NR3C2: variants seen among roughly 807,000 people sequenced by gnomAD.
NR3C2 encodes the protein mineralocorticoid receptor.
Under a neutral mutation model 86.4 loss-of-function variants are expected in NR3C2, and 15 were observed. The observed-to-expected ratio is 0.17, with a 90% confidence interval of 0.12 to 0.27. NR3C2 has a LOEUF of 0.27. NR3C2 is among the 10% of genes least tolerant of loss of function. The pLI, the probability that NR3C2 is intolerant of heterozygous loss-of-function variation, is 1.00. For missense variants in NR3C2, 960 were observed against 1,195.6 expected, an observed-to-expected ratio of 0.80 and a Z score of 2.91; for synonymous variants, 458 against 450.5, an observed-to-expected ratio of 1.02 and a Z score of -0.21.
At chr4:148,278,860 C>A (rs1176293851) in intron 2 of NR3C2, among the ~76,000 whole-genome samples, 1 of 151,760 alleles carries the variant, frequency 6.6e-6, no homozygotes, top group African/African-American at 2.4e-5. Context: ...CACCAATAAC[C>A]ACCCTTAAAA....
At chr4:148,412,001 G>A (rs1748731465) in intron 2 of NR3C2, among the ~76,000 whole-genome samples, 1 of 152,102 alleles carries the variant, frequency 6.6e-6, no homozygotes, top group South Asian at 2.1e-4. Context: ...GGTCAGAGCT[G>A]GGCTATAACA....
chr4:148,160,697 T>C (rs192002369), intron 4 of NR3C2, among the ~76,000 whole-genome samples: 3 of 152,304 alleles, frequency 2.0e-5, no homozygotes, highest in South Asian at 2.1e-4. Flanking sequence ...AGAGGTTATA[T>C]TGAGGTTATA....
intron 4 of NR3C2, among the ~76,000 whole-genome samples, chr4:148,163,041 A>C (rs1368977374): frequency 6.6e-6 from 1 of 152,230 alleles, no homozygotes; most frequent in African/African-American, 2.4e-5. Flanking sequence ...CATTGGCTAA[A>C]TCATGGGGAG....
intron 4 of NR3C2, among the ~76,000 whole-genome samples, chr4:148,177,275 T>G (rs1043115539): frequency 3.3e-5 from 5 of 152,238 alleles, no homozygotes; most frequent in Admixed American, 1.3e-4. Context: ...TATGTTAGAA[T>G]TGGGTTAGTG....
intron 6 of NR3C2, among the ~76,000 whole-genome samples, chr4:148,124,235 AAAACCAAACCAAACC>A (rs56820575): frequency 9.3e-5 from 14 of 150,910 alleles, no homozygotes; most frequent in East Asian, 2.0e-4. Context: ...ACTCCATCCC[AAAACCAAACCAAACC>A]AAACCAAACC....
chr4:148,178,932 T>TAAAAAAAAA (rs58576220), intron 4 of NR3C2, among the ~76,000 whole-genome samples: 1 of 95,310 alleles, frequency 1.0e-5, no homozygotes. Flanking sequence ...AAGAAGCAGG[T>TAAAAAAAAA]AAAAAAAAAA....
At chr4:148,439,053 T>A (rs1165022537) in intron 1 of NR3C2, among the ~76,000 whole-genome samples, 2 of 152,200 alleles carry the variant, frequency 1.3e-5, no homozygotes, top group African/African-American at 4.8e-5. Flanking sequence ...CTATTAATAG[T>A]AATTCCAGCC....
rs1173144206 is a variant in NR3C2 at position 148,442,347 on chromosome 4, C to G, written c.-190G>C. 1 of 152,696 alleles carries G rather than the reference C, an allele frequency of 6.5e-6. No homozygotes were observed. The highest frequency in any genetic ancestry group is 2.4e-5 in the African/African-American group (1 of 41,466). The allele number at this position is 152,696 out of a possible 1,614,324, so 9.5% of individuals were successfully genotyped here. Reference sequence around the variant, plus strand: ...AGGTGACTGACTGCACGGGCTTCCTCTGAGCAGCCTGAAGTTGGCTCCCGT... The same window carrying G: ...AGGTGACTGACTGCACGGGCTTCCTGTGAGCAGCCTGAAGTTGGCTCCCGT... On this transcript the variant is annotated 5_prime_UTR_variant, in exon 1 of 9. Transcript: ENST00000358102.
intron 2 of NR3C2, among the ~76,000 whole-genome samples, chr4:148,401,230 A>T (rs72729996): frequency 3.0e-4 from 46 of 152,308 alleles, no homozygotes; most frequent in Non-Finnish European, 5.9e-4. Flanking sequence ...ACTATGTGGA[A>T]TCATCCTCAC....
At chr4:148,211,255 A>T (rs747279339) in intron 3 of NR3C2, among the ~76,000 whole-genome samples, 1 of 152,240 alleles carries the variant, frequency 6.6e-6, no homozygotes, top group Non-Finnish European at 1.5e-5. Flanking sequence ...CCAGGAGATA[A>T]ATAAAACCCG....
intron 2 of NR3C2, among the ~76,000 whole-genome samples, chr4:148,406,968 T>A (rs1329480983): frequency 6.6e-6 from 1 of 152,180 alleles, no homozygotes; most frequent in Non-Finnish European, 1.5e-5. Flanking sequence ...ACAGCAAGTA[T>A]TAAAAATATG....
intron 2 of NR3C2, among the ~76,000 whole-genome samples, chr4:148,318,474 TAGTTTAC>T (rs529594901): frequency 6.3e-4 from 94 of 149,470 alleles, no homozygotes; most frequent in African/African-American, 2.3e-3. Flanking sequence ...ATGGTTGAAC[TAGTTTAC>T]AGTCCCACCA....
rs533286298 is a variant in NR3C2 at position 148,235,382 on chromosome 4, G to A, written c.1897+24596C>T. On this transcript the variant is annotated intron_variant, in intron 3 of 8. Transcript: ENST00000358102. ...GTGAGGCAGGAAAAGGGGATATGCC[G>A]CTAACTGTAGAAGTGAGGTTATGGA... is the stretch of plus-strand genomic sequence containing the variant. Among the ~76,000 whole-genome samples the A allele has an allele frequency of 1.6e-4, 25 of 151,740 alleles. No homozygotes were observed. The South Asian group carries it at 3.5e-3, about 21-fold the overall frequency.
chr4:148,194,248 T>A (rs1048616854), intron 4 of NR3C2, among the ~76,000 whole-genome samples: 1 of 152,206 alleles, frequency 6.6e-6, no homozygotes, highest in South Asian at 2.1e-4. Flanking sequence ...ATGGATGTTG[T>A]ATACTTTCGC....
At chr4:148,321,158 G>C (rs1174493046) in intron 2 of NR3C2, among the ~76,000 whole-genome samples, 1 of 135,564 alleles carries the variant, frequency 7.4e-6, no homozygotes, top group African/African-American at 2.5e-5. Flanking sequence ...TCAGGAGCAG[G>C]TTGTTCAGTT....
intron 3 of NR3C2, among the ~76,000 whole-genome samples, chr4:148,200,182 T>C (rs570763080): frequency 1.3e-5 from 2 of 152,346 alleles, no homozygotes; most frequent in African/African-American, 4.8e-5. Flanking sequence ...CCACACAGTC[T>C]GGTAGCCCAG....
At chr4:148,164,627 C>A (rs1734801486) in intron 4 of NR3C2, among the ~76,000 whole-genome samples, 1 of 152,190 alleles carries the variant, frequency 6.6e-6, no homozygotes, top group Admixed American at 6.5e-5. Flanking sequence ...GCCCCTCCCT[C>A]AGTTAAAAAG....
At chr4:148,250,997 C>A (rs1415607706) in intron 3 of NR3C2, among the ~76,000 whole-genome samples, 1 of 151,946 alleles carries the variant, frequency 6.6e-6, no homozygotes, top group East Asian at 1.9e-4. Context: ...GTTGCCCAGG[C>A]CGAAGTGCAG....
At chr4:148,199,269 G>A (rs1736597156) in intron 3 of NR3C2, among the ~76,000 whole-genome samples, 1 of 152,006 alleles carries the variant, frequency 6.6e-6, no homozygotes, top group South Asian at 2.1e-4. Context: ...CCATCTTTAA[G>A]TCTTTAGTTT....
Sources: gnomAD v4.1 joint callset for allele counts (sites outside exome capture counted in the v4.1 genomes callset) on GRCh38, gnomAD v4.1.1 for gene constraint, MANE v1.5 for transcripts, NCBI Gene and HGNC (gene_info 2026-07-23, HGNC 2026-07-21) for gene names.